The following ARFGEF3 variants were observed in gnomAD, a reference collection of about 807,000 sequenced individuals.
ARFGEF3 encodes the protein brefeldin A-inhibited guanine nucleotide-exchange protein 3.
Under a neutral mutation model 221.7 loss-of-function variants are expected in ARFGEF3, and 96 were observed. The observed-to-expected ratio is 0.43, with a 90% confidence interval of 0.37 to 0.51. The LOEUF (loss-of-function observed/expected upper bound fraction) is 0.51, where lower values mean the gene tolerates loss of function less well. Among genes scored for constraint, ARFGEF3 ranks in the 20% least tolerant of loss-of-function variants. The pLI, the probability that ARFGEF3 is intolerant of heterozygous loss-of-function variation, is 0.00. For synonymous variants in ARFGEF3, 1,145 were observed against 1,126.8 expected, an observed-to-expected ratio of 1.02 and a Z score of -0.32; for missense variants, 2,410 against 2,789.9, an observed-to-expected ratio of 0.86 and a Z score of 3.07.
chr6:138,192,928 G>A (rs1277795167), intron 2 of ARFGEF3, among the ~76,000 whole-genome samples: 3 of 152,036 alleles, frequency 2.0e-5, no homozygotes, highest in African/African-American at 7.2e-5. Context: ...TTTTATGATA[G>A]TCTGTTTTCT....
At chr6:138,320,960 G>A in intron 28 of ARFGEF3, 151 bp from the exon 29 acceptor site, 1 of 594,250 alleles carries the variant, frequency 1.7e-6, no homozygotes, top group East Asian at 3.1e-5. Flanking sequence ...GGGGGCAGGA[G>A]GAGGATATGG....
At chr6:138,234,706 A>C (rs946458252) in intron 5 of ARFGEF3, among the ~76,000 whole-genome samples, 1 of 152,192 alleles carries the variant, frequency 6.6e-6, no homozygotes, top group Non-Finnish European at 1.5e-5. Flanking sequence ...TCTTCCCTAC[A>C]TAGAAGACAT....
chr6:138,311,929 G>C lies in ARFGEF3; in HGVS notation c.4200+419G>C, dbSNP rs575916436. Among the ~76,000 whole-genome samples, 17 of 152,282 alleles carry C rather than the reference G, an allele frequency of 1.1e-4. No homozygotes were observed. The South Asian group carries it at 3.5e-3, about 32-fold the overall frequency. On this transcript the variant is annotated intron_variant, in intron 25 of 33. Transcript: ENST00000251691. ...AGTCAAGATCATCTAGCAGAGATGG[G>C]TGGATTACCTGAGGTCAGGAGTTCA...
chr6:138,247,152 C>G (rs1778498790), intron 8 of ARFGEF3, among the ~76,000 whole-genome samples: 1 of 152,156 alleles, frequency 6.6e-6, no homozygotes, highest in African/African-American at 2.4e-5. Context: ...CTTCCCCTTG[C>G]TCAGGAGGGC....
chr6:138,230,139 G>T (rs6925967), intron 5 of ARFGEF3, among the ~76,000 whole-genome samples: 7 of 152,084 alleles, frequency 4.6e-5, no homozygotes, highest in African/African-American at 7.2e-5. Context: ...CCACCCAGGC[G>T]TATTGCTTTC....
chr6:138,264,435 C>T (rs924576032), intron 12 of ARFGEF3, among the ~76,000 whole-genome samples: 1 of 152,108 alleles, frequency 6.6e-6, no homozygotes, highest in Non-Finnish European at 1.5e-5. Flanking sequence ...GTGCCTTTCC[C>T]TCAAGTACAA....
chr6:138,246,451 A>G (rs1181738359), intron 8 of ARFGEF3, among the ~76,000 whole-genome samples: 1 of 152,254 alleles, frequency 6.6e-6, no homozygotes, highest in Non-Finnish European at 1.5e-5. Context: ...GAGGACTCTC[A>G]CTTTGCTGGA....
In ARFGEF3 at chr6:138,243,565, G is replaced by T. The variant is rs554675317; in HGVS notation, c.586+571G>T. Among the ~76,000 whole-genome samples, 100 of 152,300 alleles carry T rather than the reference G, an allele frequency of 6.6e-4. No homozygotes were observed. In the South Asian group the frequency reaches 0.019, roughly 29 times the overall value. Reference sequence around the variant, plus strand: ...CAATTTAATTTTTAAAAACAGGTTTGATAATATTGTTTTCTGAAAGTATGC... The same window carrying T: ...CAATTTAATTTTTAAAAACAGGTTTTATAATATTGTTTTCTGAAAGTATGC... On this transcript the variant is annotated intron_variant, in intron 7 of 33. Coordinates refer to ENST00000251691, the MANE Select transcript of ARFGEF3 (RefSeq NM_020340.5).
In ARFGEF3 at chr6:138,218,411, T is replaced by C. The variant is rs370519608; in HGVS notation, c.351+8370T>C. 13 of 1,521,254 alleles carry C rather than the reference T, an allele frequency of 8.5e-6. No individual in the cohort carries two copies. In the East Asian group the frequency reaches 3.0e-4, roughly 35 times the overall value. The allele number at this position is 1,521,254 out of a possible 1,614,324, so 94.2% of individuals were successfully genotyped here. On this transcript the variant is annotated intron_variant, in intron 4 of 33. Transcript: ENST00000251691. Reference sequence around the variant, plus strand: ...AGGCCCTCATATTTACTACTGTAAATTGAATTGTAGCTCTGTAGCATAGAA... The same window carrying C: ...AGGCCCTCATATTTACTACTGTAAACTGAATTGTAGCTCTGTAGCATAGAA...
intron 33 of ARFGEF3, among the ~76,000 whole-genome samples, chr6:138,335,444 T>TTGAGAATTAGGAACTTAC (rs1780305473): frequency 6.6e-6 from 1 of 152,046 alleles, no homozygotes; most frequent in African/African-American, 2.4e-5. Flanking sequence ...ATGTATATTA[T>TTGAGAATTAGGAACTTAC]TGAGAATTAG....
intron 29 of ARFGEF3, 25 bp from the exon 30 acceptor site, chr6:138,323,646 C>T: frequency 6.4e-7 from 1 of 1,568,054 alleles, no homozygotes; most frequent in Non-Finnish European, 8.7e-7. Flanking sequence ...AAAAAAAAAA[C>T]TCCTTTACTT....
intron 2 of ARFGEF3, among the ~76,000 whole-genome samples, chr6:138,175,809 G>C (rs1164307302): frequency 6.6e-6 from 1 of 152,182 alleles, no homozygotes; most frequent in Non-Finnish European, 1.5e-5. Context: ...TTGATTTTCT[G>C]TCCTGACAAC....
intron 25 of ARFGEF3, among the ~76,000 whole-genome samples, chr6:138,312,679 A>C (rs1159248124): frequency 2.0e-5 from 3 of 152,136 alleles, no homozygotes; most frequent in Non-Finnish European, 4.4e-5. Flanking sequence ...ACAGGGCTAA[A>C]GGATCTGCCA....
intron 4 of ARFGEF3, among the ~76,000 whole-genome samples, chr6:138,220,655 T>C (rs1201842508): frequency 1.3e-5 from 2 of 152,190 alleles, no homozygotes; most frequent in Non-Finnish European, 2.9e-5. Flanking sequence ...ACTCAACCTT[T>C]GGGTGCAAGT....
intron 1 of ARFGEF3, among the ~76,000 whole-genome samples, chr6:138,170,459 G>A (rs1455408359): frequency 6.6e-6 from 1 of 152,092 alleles, no homozygotes; most frequent in Non-Finnish European, 1.5e-5. Context: ...TCCCCTCCTA[G>A]TTTGCAAGGT....
At chr6:138,255,076 G>A (rs1480599017) in intron 9 of ARFGEF3, among the ~76,000 whole-genome samples, 1 of 152,216 alleles carries the variant, frequency 6.6e-6, no homozygotes, top group Admixed American at 6.5e-5. Flanking sequence ...GAAGCCAAAT[G>A]ATAGGTGTCA....
intron 12 of ARFGEF3, among the ~76,000 whole-genome samples, chr6:138,265,051 C>T (rs969321897): frequency 2.6e-5 from 4 of 151,966 alleles, no homozygotes; most frequent in African/African-American, 7.2e-5. Context: ...CTACAGGCGC[C>T]CACCACCACA....
chr6:138,234,475 C>CATGT (rs1554252494), intron 5 of ARFGEF3, among the ~76,000 whole-genome samples: 9 of 148,090 alleles, frequency 6.1e-5, no homozygotes, highest in Admixed American at 2.0e-4. Context: ...CAGTTCACCC[C>CATGT]GTGTGTGTGT....
chr6:138,290,034 G>A (rs1185637186), intron 18 of ARFGEF3, 66 bp downstream of exon 18: 7 of 1,521,476 alleles, frequency 4.6e-6, no homozygotes, highest in Non-Finnish European at 6.2e-6. Flanking sequence ...AGTGGGCTGT[G>A]GCAGGTGGAG....
Sources: allele counts gnomAD v4.1 joint callset (sites outside exome capture counted in the v4.1 genomes callset), GRCh38; gene constraint gnomAD v4.1.1; transcripts MANE v1.5; gene names NCBI Gene and HGNC (gene_info 2026-07-23, HGNC 2026-07-21).